Variants in GRXCR1 observed in about 807,000 individuals in gnomAD.
GRXCR1 encodes glutaredoxin domain-containing cysteine-rich protein 1.
A neutral mutation model predicts 27.3 loss-of-function variants in GRXCR1; 27 were observed. The ratio of observed to expected loss-of-function variants is 0.99; its 90% confidence interval spans 0.73 to 1.37. The LOEUF (loss-of-function observed/expected upper bound fraction) is 1.37. GRXCR1 is among the 40% of genes most tolerant of loss of function. The probability of loss-of-function intolerance (pLI) is 0.00; values close to 1 mark genes in which losing one functional copy is unlikely to be tolerated. For synonymous variants in GRXCR1, 122 were observed against 131.1 expected, an observed-to-expected ratio of 0.93 and a Z score of 0.47; for missense variants, 379 against 354.4, an observed-to-expected ratio of 1.07 and a Z score of -0.56.
At chr4:43,003,756 TTAACAGCA>T (rs1712461587) in intron 2 of GRXCR1, among the ~76,000 whole-genome samples, 1 of 152,176 alleles carries the variant, frequency 6.6e-6, no homozygotes, top group African/African-American at 2.4e-5. Context: ...CTGGCTGCTC[TTAACAGCA>T]TACAATCACA....
chr4:42,914,676 G>T (rs1461573989), intron 1 of GRXCR1, among the ~76,000 whole-genome samples: 1 of 152,092 alleles, frequency 6.6e-6, no homozygotes, highest in Non-Finnish European at 1.5e-5. Context: ...GATTTGGGAG[G>T]GTTTAGGGTT....
In GRXCR1 at chr4:42,971,669, A is replaced by G. The variant is rs371333706; in HGVS notation, c.627+8535A>G. On this transcript the variant is annotated intron_variant, in intron 2 of 3. Transcript: ENST00000399770. ...GGGGAAAATACACTCCCGTGATTCA[A>G]TCACCTCCCACCAGGTCCCTCCCAT... Among the ~76,000 whole-genome samples, 10 of 152,140 alleles carry G rather than the reference A, an allele frequency of 6.6e-5. No individual in the cohort carries two copies. The South Asian group carries it at 1.7e-3, about 25-fold the overall frequency.
intron 1 of GRXCR1, among the ~76,000 whole-genome samples, chr4:42,958,925 G>A (rs2109772984): frequency 6.6e-6 from 1 of 152,076 alleles, no homozygotes; most frequent in South Asian, 2.1e-4. Context: ...GAAACAGCAA[G>A]TGTTGCACAT....
intron 1 of GRXCR1, among the ~76,000 whole-genome samples, chr4:42,940,618 G>GT (rs1323031814): frequency 6.6e-6 from 1 of 151,998 alleles, no homozygotes; most frequent in Non-Finnish European, 1.5e-5. Flanking sequence ...TGCAATAAAT[G>GT]AATCAAGGAA....
At chr4:42,978,539 G>T (rs1748575889) in intron 2 of GRXCR1, among the ~76,000 whole-genome samples, 1 of 151,628 alleles carries the variant, frequency 6.6e-6, no homozygotes. Context: ...TTATTTCCAG[G>T]TACTTTATTT....
intron 1 of GRXCR1, among the ~76,000 whole-genome samples, chr4:42,908,821 T>A (rs775575832): frequency 4.6e-5 from 7 of 152,096 alleles, no homozygotes; most frequent in Admixed American, 2.0e-4. Context: ...TTGATAGAAA[T>A]GAGAAAGGAG....
intron 1 of GRXCR1, among the ~76,000 whole-genome samples, chr4:42,933,233 G>C (rs1316646820): frequency 6.6e-6 from 1 of 151,956 alleles, no homozygotes; most frequent in Non-Finnish European, 1.5e-5. Flanking sequence ...ATTGAGGGTA[G>C]TGACACAGGA....
At chr4:42,932,611 T>TAGAG (rs1747349161) in intron 1 of GRXCR1, among the ~76,000 whole-genome samples, 2 of 45,648 alleles carry the variant, frequency 4.4e-5, no homozygotes, top group African/African-American at 7.3e-5. Flanking sequence ...TATATATATA[T>TAGAG]ATATATATAG....
intron 1 of GRXCR1, among the ~76,000 whole-genome samples, chr4:42,937,056 A>G (rs1747477202): frequency 6.6e-6 from 1 of 151,944 alleles, no homozygotes; most frequent in African/African-American, 2.4e-5. Context: ...TTGAGAATGA[A>G]GTATCTACAT....
chr4:42,929,555 C>A (rs1747256279), intron 1 of GRXCR1, among the ~76,000 whole-genome samples: 2 of 152,010 alleles, frequency 1.3e-5, no homozygotes, highest in South Asian at 4.2e-4. Context: ...TTAGAAACTC[C>A]TGTATTTATT....
chr4:42,951,041 A>AT (rs1373941434), intron 1 of GRXCR1, among the ~76,000 whole-genome samples: 4 of 152,172 alleles, frequency 2.6e-5, no homozygotes, highest in Admixed American at 2.6e-4. Context: ...CAAGCTCAAG[A>AT]TTCAGGAAAT....
intron 1 of GRXCR1, among the ~76,000 whole-genome samples, chr4:42,929,193 C>A (rs1747241794): frequency 6.6e-6 from 1 of 151,856 alleles, no homozygotes; most frequent in African/African-American, 2.4e-5. Flanking sequence ...CACACAAGAG[C>A]AATCACTTTG....
At chr4:42,932,451 G>T (rs1747334500) in intron 1 of GRXCR1, among the ~76,000 whole-genome samples, 1 of 1,676 alleles carries the variant, frequency 6.0e-4, no homozygotes. Flanking sequence ...TTTCACCGCA[G>T]TTTGCCATCT....
intron 1 of GRXCR1, among the ~76,000 whole-genome samples, chr4:42,923,133 G>A (rs1019526275): frequency 6.6e-6 from 1 of 152,102 alleles, no homozygotes; most frequent in Non-Finnish European, 1.5e-5. Flanking sequence ...CAGCAGAGGA[G>A]TCTTCTTATT....
intron 2 of GRXCR1, among the ~76,000 whole-genome samples, chr4:43,009,754 C>T (rs1052469162): frequency 1.1e-4 from 17 of 152,072 alleles, no homozygotes; most frequent in African/African-American, 4.1e-4. Flanking sequence ...CTAATCACCC[C>T]CCCAAATACT....
intron 3 of GRXCR1, among the ~76,000 whole-genome samples, chr4:43,025,884 G>T (rs1423970483): frequency 6.6e-6 from 1 of 151,638 alleles, no homozygotes; most frequent in Non-Finnish European, 1.5e-5. Context: ...GCTGAGGCAG[G>T]AGAATGGCGT....
intron 2 of GRXCR1, among the ~76,000 whole-genome samples, chr4:42,989,389 C>T (rs916907956): frequency 6.6e-6 from 1 of 152,062 alleles, no homozygotes; most frequent in African/African-American, 2.4e-5. Context: ...CCTCATTTAG[C>T]CTTAATTACC....
At chr4:42,988,062 G>T (rs1240109761) in intron 2 of GRXCR1, among the ~76,000 whole-genome samples, 1 of 152,044 alleles carries the variant, frequency 6.6e-6, no homozygotes, top group Non-Finnish European at 1.5e-5. Context: ...AAAATAACCT[G>T]ATCCTGAGCT....
intron 2 of GRXCR1, among the ~76,000 whole-genome samples, chr4:42,971,243 A>G (rs562705111): frequency 7.2e-5 from 11 of 152,226 alleles, no homozygotes; most frequent in African/African-American, 2.2e-4. Context: ...ACTTTCCCAT[A>G]TCTTTCTCTC....
Sources: gnomAD v4.1 joint callset for allele counts (sites outside exome capture counted in the v4.1 genomes callset) on GRCh38, gnomAD v4.1.1 for gene constraint, MANE v1.5 for transcripts, NCBI Gene and HGNC (gene_info 2026-07-23, HGNC 2026-07-21) for gene names.